Variants in TULP4 observed in about 807,000 individuals in gnomAD.
TULP4 encodes tubby-related protein 4.
TULP4 carries 16 observed loss-of-function variants against 129.0 expected under a neutral mutation model. The observed-to-expected ratio is 0.12, with a 90% CI of 0.08 to 0.19. The LOEUF (loss-of-function observed/expected upper bound fraction) is 0.19. Ranked by LOEUF, TULP4 falls within the 10% of genes least tolerant of loss-of-function variation. The pLI is 1.00. For missense variants in TULP4, 1,842 were observed against 2,059.1 expected (o/e 0.89, Z 2.04); for synonymous variants, 998 against 854.0 (o/e 1.17, Z -2.94).
At chr6:158,372,463 T>C (rs1195461994) in intron 1 of TULP4, among the ~76,000 whole-genome samples, 3 of 152,152 alleles carry the variant, frequency 2.0e-5, no homozygotes, top group East Asian at 1.9e-4. Context: ...TTTTGTGACA[T>C]GTCAGTGCTT....
chr6:158,349,174 C>A lies in TULP4; in HGVS notation c.252+34906C>A, dbSNP rs752256283. Among the ~76,000 whole-genome samples the A allele has an allele frequency of 1.0e-4, 14 of 133,364 alleles. No homozygotes were observed. In the East Asian group the frequency reaches 1.4e-3, roughly 14 times the overall value. 87.5% of individuals were successfully genotyped at this position (133,364 alleles called of 152,430 possible). On this transcript the variant is annotated intron_variant, in intron 1 of 13. Transcript: ENST00000367097. ...TACACTCCTCACTTCCCACACGGGG[C>A]GGCTGCCCGGCAGAGGCGCTCCTCA...
chr6:158,332,169 CAAAAAAAAAAAAAAAAAA>C lies in TULP4; in HGVS notation c.252+17916_252+17933del, dbSNP rs1169601263. 8.1e-4 allele frequency among the ~76,000 whole-genome samples: 53 copies of C among 65,264 alleles called. 1 individual carries two copies. Among genetic ancestry groups the C allele is most frequent in the Admixed American group, 3.0e-3 (21 of 6,966 alleles). The allele number at this position is 65,264 out of a possible 152,430, so 42.8% of individuals were successfully genotyped here. A position where few individuals can be genotyped will look rare whatever the true frequency, so the allele number is the denominator to read the frequency against. ...CCTGGTCGACAGAGTAAGACTCTGT[CAAAAAAAAAAAAAAAAAA>C]AAAAAAAAAAAAAATATATATATAT... On this transcript the variant is annotated intron_variant, in intron 1 of 13. Coordinates refer to ENST00000367097, the MANE Select transcript of TULP4 (RefSeq NM_020245.5).
intron 1 of TULP4, among the ~76,000 whole-genome samples, chr6:158,378,192 G>A (rs1438464973): frequency 3.9e-5 from 6 of 152,132 alleles, no homozygotes; most frequent in African/African-American, 7.2e-5. Context: ...GCAGCATTCC[G>A]TTGGCCAAAG....
At chr6:158,287,781 T>G (rs1420113473) in intron 1 of TULP4, among the ~76,000 whole-genome samples, 1 of 152,180 alleles carries the variant, frequency 6.6e-6, no homozygotes, top group African/African-American at 2.4e-5. Flanking sequence ...ATTCATACTT[T>G]GAAAGGAGAG....
At chr6:158,483,824 A>G (rs1021570609) in intron 8 of TULP4, among the ~76,000 whole-genome samples, 27 of 152,138 alleles carry the variant, frequency 1.8e-4, no homozygotes, top group African/African-American at 6.3e-4. Context: ...GGTGGTTTTT[A>G]TGCACTAAAG....
intron 1 of TULP4, among the ~76,000 whole-genome samples, chr6:158,334,335 G>A (rs751791033): frequency 1.1e-4 from 16 of 152,222 alleles, no homozygotes; most frequent in Admixed American, 9.2e-4. Flanking sequence ...CTTGTAAACA[G>A]GAAGTGTAAA....
intron 1 of TULP4, chr6:158,237,543 C>A: frequency 6.4e-7 from 1 of 1,557,322 alleles, no homozygotes; most frequent in Non-Finnish European, 8.8e-7. Context: ...CAGTTGCTCC[C>A]TGGGTCCCTT....
At position 158,503,605 on chromosome 6, in the gene TULP4, C is replaced by T. The variant is rs1582886630; in HGVS notation, c.3942C>T (p.Asn1314=). 1.2e-6 allele frequency: 2 copies of T among 1,613,956 alleles called. No individual in the cohort carries two copies. Among genetic ancestry groups the T allele is most frequent in the African/African-American group, 1.3e-5 (1 of 74,908 alleles). The part of the protein sequence containing the change: ...GTEVMVETAD[N]FQEVLSLTES... ...AGGTGATGGTAGAGACTGCAGACAA[C>T]TTCCAGGAAGTCCTCTCCCTGACCG... is the stretch of plus-strand genomic sequence containing the variant. The change falls in exon 13 of 14, where the codon AAC becomes AAT. Residue 1314 remains asparagine (N), a synonymous_variant. Transcript: ENST00000367097. The surrounding 1 kb of genome is among the most constrained non-coding windows in gnomAD (Gnocchi z 4.3).
chr6:158,447,765 C>T (rs957242161), intron 3 of TULP4, among the ~76,000 whole-genome samples: 6 of 152,226 alleles, frequency 3.9e-5, no homozygotes, highest in Non-Finnish European at 8.8e-5. Flanking sequence ...CCTTTCTAGT[C>T]AGACAGCCTT....
At chr6:158,454,740 G>A (rs1302266139) in intron 5 of TULP4, among the ~76,000 whole-genome samples, 1 of 151,986 alleles carries the variant, frequency 6.6e-6, no homozygotes, top group Non-Finnish European at 1.5e-5. Context: ...CTAGTAGCTG[G>A]GATTACAGGC....
chr6:158,303,406 G>A (rs1779161775), intron 1 of TULP4, among the ~76,000 whole-genome samples: 1 of 152,124 alleles, frequency 6.6e-6, no homozygotes, highest in African/African-American at 2.4e-5. Flanking sequence ...TTTTATTAAG[G>A]ATTTCAAAAG....
intron 4 of TULP4, among the ~76,000 whole-genome samples, chr6:158,451,212 CA>C (rs11340390): frequency 0.017 from 2,634 of 152,086 alleles, 84 homozygotes; most frequent in African/African-American, 0.06. Flanking sequence ...TTCTCAGAAG[CA>C]GGGGGGGCAG....
At chr6:158,305,317 C>CTGTGCG (rs1779198858) in intron 1 of TULP4, among the ~76,000 whole-genome samples, 2 of 115,902 alleles carry the variant, frequency 1.7e-5, no homozygotes, top group South Asian at 6.5e-4. Flanking sequence ...ATATTTCATT[C>CTGTGCG]TGTGTGCGTG....
chr6:158,489,661 G>A lies in TULP4; in HGVS notation c.1560G>A (p.Glu520=), dbSNP rs891804339. 3.1e-6 allele frequency: 5 copies of A among 1,614,100 alleles called. No individual in the cohort carries two copies. The highest frequency in any genetic ancestry group is 1.7e-5 in the Admixed American group (1 of 60,000). ...ACTGCTCAGACTCCAGTGACATTGA[G>A]CTGAGTGATGACTGGGCTGCCAAGA... ...SCNCSDSSDI[E]LSDDWAAKKS... The change falls in exon 9 of 14, where the codon GAG becomes GAA. Residue 520 remains glutamate (E), a synonymous_variant. Coordinates refer to ENST00000367097, the MANE Select transcript of TULP4 (RefSeq NM_020245.5).
chr6:158,475,457 G>A (rs1779796699), intron 6 of TULP4, among the ~76,000 whole-genome samples: 1 of 152,242 alleles, frequency 6.6e-6, no homozygotes, highest in Non-Finnish European at 1.5e-5. Context: ...CTAGCCATCA[G>A]TTCTAAAAAT....
intron 1 of TULP4, chr6:158,237,995 A>G: frequency 1.4e-6 from 1 of 721,532 alleles, no homozygotes; most frequent in Non-Finnish European, 2.6e-6. Flanking sequence ...TTTATCAAGG[A>G]CAAATGAGCA....
At chr6:158,255,739 T>C (rs1240181072) in intron 1 of TULP4, among the ~76,000 whole-genome samples, 1 of 152,204 alleles carries the variant, frequency 6.6e-6, no homozygotes, top group Non-Finnish European at 1.5e-5. Flanking sequence ...CTTGGACTTG[T>C]TCTGTGAAAT....
At position 158,351,325 on chromosome 6, in the gene TULP4, A is replaced by G. The variant is rs1780513738; in HGVS notation, c.252+37057A>G. Among the ~76,000 whole-genome samples, 5 of 152,274 alleles carry G rather than the reference A, an allele frequency of 3.3e-5. No homozygotes were observed. The East Asian group carries it at 5.8e-4, about 18-fold the overall frequency. ...TGAGCATTTCTTAGCCTTGCACTAT[A>G]TATTTTTGTGCCTCAGTTCTCTGTG... On this transcript the variant is annotated intron_variant, in intron 1 of 13. Coordinates refer to ENST00000367097, the MANE Select transcript of TULP4 (RefSeq NM_020245.5).
At chr6:158,410,134 G>A (rs186895585) in intron 1 of TULP4, among the ~76,000 whole-genome samples, 5 of 152,164 alleles carry the variant, frequency 3.3e-5, no homozygotes, top group Non-Finnish European at 5.9e-5. Context: ...GATTACAGGC[G>A]TGAGCCACCG....
Sources: gnomAD v4.1 joint callset for allele counts (sites outside exome capture counted in the v4.1 genomes callset) on GRCh38, gnomAD v4.1.1 for gene constraint, Gnocchi (gnomAD v3.1) non-coding constraint, MANE v1.5 for transcripts, NCBI Gene and HGNC (gene_info 2026-07-23, HGNC 2026-07-21) for gene names.